The following CPQ variants were observed in gnomAD, a reference collection of about 807,000 sequenced individuals.
The protein encoded by CPQ is carboxypeptidase Q.
CPQ carries 37 observed loss-of-function variants against 45.7 expected under a neutral mutation model. The observed-to-expected ratio is 0.81, with a 90% CI of 0.62 to 1.07. The LOEUF is 1.07. CPQ is among the 50% of genes least tolerant of loss of function. The pLI is 0.00. For synonymous variants in CPQ, 186 were observed against 205.8 expected, an observed-to-expected ratio of 0.90 and a Z score of 0.82; for missense variants, 537 against 572.9, an observed-to-expected ratio of 0.94 and a Z score of 0.64.
chr8:96,964,029 T>G (rs1434231759), intron 4 of CPQ, among the ~76,000 whole-genome samples: 1 of 152,134 alleles, frequency 6.6e-6, no homozygotes, highest in African/African-American at 2.4e-5. Flanking sequence ...TGGAGTGTCC[T>G]ATTGATAAAT....
intron 6 of CPQ, among the ~76,000 whole-genome samples, chr8:97,048,663 A>G (rs960861934): frequency 5.3e-5 from 8 of 152,224 alleles, no homozygotes; most frequent in South Asian, 4.1e-4. Context: ...TTCTTCTTCA[A>G]TGAAAGGTGG....
intron 4 of CPQ, among the ~76,000 whole-genome samples, chr8:96,962,665 T>C (rs1813479503): frequency 6.6e-6 from 1 of 152,216 alleles, no homozygotes; most frequent in South Asian, 2.1e-4. Flanking sequence ...TGTGCATTGG[T>C]ATATTTTTCT....
chr8:96,993,432 A>T (rs1310022578), intron 5 of CPQ, among the ~76,000 whole-genome samples: 1 of 152,156 alleles, frequency 6.6e-6, no homozygotes, highest in Non-Finnish European at 1.5e-5. Flanking sequence ...TATAGGTCTA[A>T]TGGGTGGTAG....
chr8:96,792,602 G>A lies in CPQ; in HGVS notation c.433+7272G>A, dbSNP rs113481608. On this transcript the variant is annotated intron_variant, in intron 2 of 7. Coordinates refer to ENST00000220763, the MANE Select transcript of CPQ (RefSeq NM_016134.4). ...TTATTGTATGTTTTATATTAGTTAG[G>A]GGGCTCCTGGCGGCCTGGACTGAGT... Among the ~76,000 whole-genome samples, 714 of 152,144 alleles carry A rather than the reference G, an allele frequency of 4.7e-3. 5 individuals are homozygous for A. Among genetic ancestry groups the A allele is most frequent in the African/African-American group, 0.016 (659 of 41,498 alleles).
At chr8:96,939,883 G>T (rs1813102590) in intron 4 of CPQ, among the ~76,000 whole-genome samples, 1 of 152,102 alleles carries the variant, frequency 6.6e-6, no homozygotes, top group South Asian at 2.1e-4. Context: ...GCTTTGCTAG[G>T]TAATGCCAAA....
intron 7 of CPQ, among the ~76,000 whole-genome samples, chr8:97,126,617 C>G (rs1415233086): frequency 2.6e-5 from 4 of 151,958 alleles, no homozygotes; most frequent in Non-Finnish European, 5.9e-5. Flanking sequence ...ATACTAAAAA[C>G]TAGCAAATAA....
chr8:96,696,525 A>G (rs1211483321), intron 1 of CPQ, among the ~76,000 whole-genome samples: 2 of 152,116 alleles, frequency 1.3e-5, no homozygotes, highest in African/African-American at 4.8e-5. Flanking sequence ...AATAAAGATC[A>G]GAGCAGAAAT....
chr8:96,921,787 A>G (rs557576451), intron 4 of CPQ, among the ~76,000 whole-genome samples: 49 of 152,258 alleles, frequency 3.2e-4, no homozygotes, highest in African/African-American at 1.2e-3. Context: ...AGTGTGCCTC[A>G]AAATAATATA....
intron 7 of CPQ, among the ~76,000 whole-genome samples, chr8:97,139,687 T>C (rs188424033): frequency 2.0e-5 from 3 of 152,132 alleles, no homozygotes; most frequent in East Asian, 3.9e-4. Context: ...TATTTAGAAC[T>C]GAATTGTCAT....
chr8:97,028,403 G>T lies in CPQ; in HGVS notation c.962-1000G>T, dbSNP rs577360095. Among the ~76,000 whole-genome samples, 57 of 152,330 alleles carry T rather than the reference G, an allele frequency of 3.7e-4. 1 individual carries two copies. The highest frequency in any genetic ancestry group is 1.3e-3 in the African/African-American group (53 of 41,576). Reference sequence around the variant, plus strand: ...TATGTGGTTATACCTGAGATATGTGGTGTGTCCATCTCAGAGCCACTCAAA... The same window carrying T: ...TATGTGGTTATACCTGAGATATGTGTTGTGTCCATCTCAGAGCCACTCAAA... On this transcript the variant is annotated intron_variant, in intron 5 of 7. Coordinates refer to ENST00000220763, the MANE Select transcript of CPQ (RefSeq NM_016134.4).
At chr8:96,880,894 AC>A (rs1812215306) in intron 4 of CPQ, among the ~76,000 whole-genome samples, 1 of 151,982 alleles carries the variant, frequency 6.6e-6, no homozygotes, top group South Asian at 2.1e-4. Flanking sequence ...ATGTCCATAT[AC>A]CCCCTGAATC....
At chr8:96,881,021 G>C (rs1812216982) in intron 4 of CPQ, among the ~76,000 whole-genome samples, 1 of 152,108 alleles carries the variant, frequency 6.6e-6, no homozygotes, top group Non-Finnish European at 1.5e-5. Flanking sequence ...GAACAATTGA[G>C]AGTGGTATTT....
At chr8:96,759,006 C>T (rs1009618449) in intron 1 of CPQ, among the ~76,000 whole-genome samples, 2 of 152,158 alleles carry the variant, frequency 1.3e-5, no homozygotes, top group Admixed American at 6.5e-5. Flanking sequence ...CAAAGGTAAA[C>T]CCTGGAAAAG....
At chr8:96,647,069 C>T (rs1273596903) in intron 1 of CPQ, among the ~76,000 whole-genome samples, 4 of 152,174 alleles carry the variant, frequency 2.6e-5, no homozygotes, top group East Asian at 1.9e-4. Context: ...ACTATTTCTT[C>T]GCATGCATTT....
chr8:96,882,056 T>C lies in CPQ; in HGVS notation c.849+2051T>C, dbSNP rs567104539. On this transcript the variant is annotated intron_variant, in intron 4 of 7. Coordinates refer to ENST00000220763, the MANE Select transcript of CPQ (RefSeq NM_016134.4). ...TGGCATTTGGTGATGGAGAAACAAG[T>C]CTTATGCACATGACTTCTCCCAGAC... Among the ~76,000 whole-genome samples, 41 of 152,256 alleles carry C rather than the reference T, an allele frequency of 2.7e-4. 1 individual carries two copies. The highest frequency in any genetic ancestry group is 7.8e-4 in the Admixed American group (12 of 15,296).
intron 2 of CPQ, among the ~76,000 whole-genome samples, chr8:96,821,227 C>A (rs777703897): frequency 1.1e-4 from 15 of 130,638 alleles, no homozygotes; most frequent in Admixed American, 5.4e-4. Context: ...CAAATATTTT[C>A]TCTCATTCTG....
chr8:97,091,901 A>G (rs969191519), intron 7 of CPQ, among the ~76,000 whole-genome samples: 1 of 151,960 alleles, frequency 6.6e-6, no homozygotes, highest in Non-Finnish European at 1.5e-5. Flanking sequence ...AGAGAGAGAG[A>G]GGATGAAAAT....
At chr8:96,901,154 G>T (rs1229839689) in intron 4 of CPQ, among the ~76,000 whole-genome samples, 2 of 152,112 alleles carry the variant, frequency 1.3e-5, no homozygotes, top group South Asian at 4.1e-4. Flanking sequence ...AGCCTTTTCC[G>T]GTGTAGTCCC....
At chr8:97,070,910 A>C (rs1483872286) in intron 7 of CPQ, among the ~76,000 whole-genome samples, 1 of 152,174 alleles carries the variant, frequency 6.6e-6, no homozygotes, top group Non-Finnish European at 1.5e-5. Context: ...ATGAGGTATA[A>C]TCCATGGTTC....
Sources: allele counts gnomAD v4.1 joint callset (sites outside exome capture counted in the v4.1 genomes callset), GRCh38; gene constraint gnomAD v4.1.1; transcripts MANE v1.5; gene names NCBI Gene and HGNC (gene_info 2026-07-23, HGNC 2026-07-21).